Variants in PPP2R5C observed in about 807,000 individuals in gnomAD.
The protein encoded by PPP2R5C is serine/threonine-protein phosphatase 2A 56 kDa regulatory subunit gamma isoform.
PPP2R5C carries 7 observed loss-of-function variants against 68.9 expected under a neutral mutation model. The observed-to-expected ratio is 0.10, with a 90% CI of 0.06 to 0.19. The LOEUF is 0.19. PPP2R5C is among the 10% of genes least tolerant of loss of function. The pLI is 1.00. For missense variants in PPP2R5C, 348 were observed against 641.3 expected, an observed-to-expected ratio of 0.54 and a Z score of 4.94; for synonymous variants, 210 against 222.2, an observed-to-expected ratio of 0.95 and a Z score of 0.49.
chr14:101,788,656 A>G (rs1219904018), intron 3 of PPP2R5C, among the ~76,000 whole-genome samples: 1 of 152,210 alleles, frequency 6.6e-6, no homozygotes, highest in Non-Finnish European at 1.5e-5. Flanking sequence ...CCACATATCC[A>G]GGAGAATTTC....
chr14:101,875,580 AGTGGTAG>A (rs2043711270), intron 2 of PPP2R5C, among the ~76,000 whole-genome samples: 1 of 152,200 alleles, frequency 6.6e-6, no homozygotes, highest in African/African-American at 2.4e-5. Context: ...TGCCAGGCAC[AGTGGTAG>A]GTGCTGGGAT....
At chr14:101,881,072 G>T (rs1197395955) in intron 2 of PPP2R5C, among the ~76,000 whole-genome samples, 3 of 152,076 alleles carry the variant, frequency 2.0e-5, no homozygotes, top group Non-Finnish European at 4.4e-5. Context: ...GATTCAATAA[G>T]GTAACCAATC....
chr14:101,915,016 G>A lies in PPP2R5C; in HGVS notation c.1326+2543G>A, dbSNP rs1007312415. ...TGCCTGCCTTTCCTTCGAGAGAGGAGCTCATGTGCGGAATGCACCTCAGTG... is the reference window on the plus strand; with the variant it reads ...TGCCTGCCTTTCCTTCGAGAGAGGAACTCATGTGCGGAATGCACCTCAGTG... On this transcript the variant is annotated intron_variant, in intron 12 of 13. Coordinates refer to ENST00000334743, the Ensembl canonical transcript of PPP2R5C. The surrounding 1 kb of genome is among the most constrained non-coding windows in gnomAD (Gnocchi z 4.2). Among the ~76,000 whole-genome samples the A allele has an allele frequency of 2.6e-5, 4 of 152,190 alleles. No individual in the cohort carries two copies. Among genetic ancestry groups the A allele is most frequent in the African/African-American group, 9.6e-5 (4 of 41,456 alleles).
chr14:101,767,259 G>A (rs562664398), intron 2 of PPP2R5C, among the ~76,000 whole-genome samples: 11 of 152,194 alleles, frequency 7.2e-5, no homozygotes, highest in Non-Finnish European at 1.5e-4. Context: ...ACTGACAGTC[G>A]CCTCAGGTCG....
intron 3 of PPP2R5C, among the ~76,000 whole-genome samples, chr14:101,792,789 T>C (rs1242423133): frequency 6.6e-6 from 1 of 152,174 alleles, no homozygotes; most frequent in Non-Finnish European, 1.5e-5. Flanking sequence ...GCCTCATTTA[T>C]TTTTGATTCC....
At chr14:101,904,204 C>A (rs2045889165) in intron 9 of PPP2R5C, among the ~76,000 whole-genome samples, 1 of 152,118 alleles carries the variant, frequency 6.6e-6, no homozygotes, top group African/African-American at 2.4e-5. Flanking sequence ...GTTGCCCAAG[C>A]TAGAGTGCAA....
intron 1 of PPP2R5C, among the ~76,000 whole-genome samples, chr14:101,826,817 A>G (rs2040427687): frequency 6.6e-6 from 1 of 152,128 alleles, no homozygotes; most frequent in Non-Finnish European, 1.5e-5. Context: ...GTGAGCAGAG[A>G]ACCTGTGGGC....
At chr14:101,859,575 T>C (rs1046467087) in intron 2 of PPP2R5C, among the ~76,000 whole-genome samples, 8 of 152,230 alleles carry the variant, frequency 5.3e-5, no homozygotes, top group Admixed American at 2.0e-4. Flanking sequence ...TTTTGTTGTT[T>C]TGTTCTGTAG....
intron 7 of PPP2R5C, 37 bp downstream of exon 9, chr14:101,893,145 G>A: frequency 1.4e-6 from 2 of 1,429,090 alleles, no homozygotes; most frequent in Non-Finnish European, 9.9e-7. Flanking sequence ...ACAGCTGTTG[G>A]CATTTGATCA....
intron 1 of PPP2R5C, among the ~76,000 whole-genome samples, chr14:101,823,210 A>G (rs899318929): frequency 2.0e-5 from 3 of 152,236 alleles, no homozygotes; most frequent in Non-Finnish European, 2.9e-5. Flanking sequence ...AGCCAAGCTA[A>G]TAGCCTTAGC....
intron 3 of PPP2R5C, among the ~76,000 whole-genome samples, chr14:101,798,175 C>T (rs1418260955): frequency 6.6e-6 from 1 of 151,872 alleles, no homozygotes; most frequent in African/African-American, 2.4e-5. Context: ...AAAGTGCTGG[C>T]CAGCGCAGTG....
At position 101,815,966 on chromosome 14, in the gene PPP2R5C, G is replaced by A. The variant is rs140835971; in HGVS notation, c.94+5930G>A. Among the ~76,000 whole-genome samples the A allele has an allele frequency of 2.5e-3, 376 of 152,328 alleles. 9 individuals are homozygous for A. The East Asian group carries it at 0.057, about 23-fold the overall frequency. On this transcript the variant is annotated intron_variant, in intron 1 of 13. Coordinates refer to ENST00000334743, the Ensembl canonical transcript of PPP2R5C. ...ATTGTAGGCATGAGCCACCACACCC[G>A]GCCTATCTGATGTATTTCTTAGCTA...
chr14:101,905,108 CT>C (rs2045947985), intron 9 of PPP2R5C, among the ~76,000 whole-genome samples: 1 of 152,214 alleles, frequency 6.6e-6, no homozygotes, highest in Admixed American at 6.5e-5. Flanking sequence ...AGTCCCAGCA[CT>C]TTGGGAGGCC....
At position 101,797,569 on chromosome 14, in the gene PPP2R5C, C is replaced by A. The variant is rs2038672323; in HGVS notation, c.259+11386C>A. ...CAAAACCCCAGCCAGGGCCACCTAT[C>A]CCTTCACCTCCCTCCACCTCGGATT... On this transcript the variant is annotated intron_variant, in intron 3 of 14. Coordinates refer to the PPP2R5C transcript ENST00000328724. The surrounding 1 kb of genome is among the most constrained non-coding windows in gnomAD (Gnocchi z 4.2). 3 of 261,080 alleles carry A rather than the reference C, an allele frequency of 1.1e-5. No homozygotes were observed. The Admixed American group carries it at 1.4e-4, about 13-fold the overall frequency. The allele number at this position is 261,080 out of a possible 1,614,324, so 16.2% of individuals were successfully genotyped here.
intron 3 of PPP2R5C, among the ~76,000 whole-genome samples, chr14:101,801,293 T>C (rs1041148046): frequency 6.6e-6 from 1 of 152,196 alleles, no homozygotes; most frequent in Admixed American, 6.5e-5. Flanking sequence ...TTACACATTG[T>C]TAACAGGCAT....
intron 2 of PPP2R5C, among the ~76,000 whole-genome samples, chr14:101,876,130 A>G (rs890071939): frequency 5.9e-5 from 9 of 152,236 alleles, no homozygotes; most frequent in Admixed American, 3.3e-4. Flanking sequence ...ACAAATGACA[A>G]TTTTGTACTT....
intron 10 of PPP2R5C, among the ~76,000 whole-genome samples, chr14:101,907,390 C>T (rs1307113127): frequency 6.6e-6 from 1 of 151,904 alleles, no homozygotes; most frequent in Non-Finnish European, 1.5e-5. Flanking sequence ...AGGCTGGTCT[C>T]GAACTCCTGG....
chr14:101,925,298 G>A, exon 14 of PPP2R5C: 1 of 1,609,428 alleles, frequency 6.2e-7, no homozygotes, highest in Non-Finnish European at 8.5e-7. Context: ...GTCGGGGCCG[G>A]GCCCGCCAGT....
upstream of PPP2R5C, among the ~76,000 whole-genome samples, chr14:101,761,286 A>C (rs1322409775): frequency 2.6e-5 from 4 of 152,178 alleles, no homozygotes; most frequent in East Asian, 7.8e-4. Context: ...ATACATTTCA[A>C]ATGTGCATTT....
Sources: allele counts gnomAD v4.1 joint callset (sites outside exome capture counted in the v4.1 genomes callset), GRCh38; gene constraint gnomAD v4.1.1; non-coding constraint Gnocchi (gnomAD v3.1); transcripts MANE v1.5; gene names NCBI Gene and HGNC (gene_info 2026-07-23, HGNC 2026-07-21).